PHF11: variants seen among roughly 807,000 people sequenced by gnomAD.
PHF11 encodes the protein PHD finger protein 11.
A neutral mutation model predicts 40.5 loss-of-function variants in PHF11; 38 were observed. That is an observed-to-expected ratio of 0.94 (90% CI 0.72 to 1.23). The LOEUF (loss-of-function observed/expected upper bound fraction) is 1.23. Ranked by LOEUF, PHF11 falls within the 50% of genes most tolerant of loss-of-function variation. The pLI, the probability that PHF11 is intolerant of heterozygous loss-of-function variation, is 0.00. For synonymous variants in PHF11, 127 were observed against 138.2 expected, an observed-to-expected ratio of 0.92 and a Z score of 0.57; for missense variants, 369 against 392.4, an observed-to-expected ratio of 0.94 and a Z score of 0.50.
intron 3 of PHF11, among the ~76,000 whole-genome samples, chr13:49,516,708 C>A (rs4942835): frequency 0.65 from 98,796 of 151,368 alleles, 32,562 homozygotes; most frequent in East Asian, 0.87. Context: ...TTCAGCCTCC[C>A]AAATAGCTGG....
chr13:49,510,965 G>A (rs892711648), intron 2 of PHF11, among the ~76,000 whole-genome samples: 4 of 152,148 alleles, frequency 2.6e-5, no homozygotes, highest in Admixed American at 2.0e-4. Flanking sequence ...ACCCCAAAGG[G>A]TTTCCTCAAT....
At position 49,528,683 on chromosome 13, in the gene PHF11, G is replaced by A; in HGVS notation, c.*18G>A. The stretch of plus-strand genomic sequence containing the variant: ...CTTATTAGGGATTACCGTTTCCTAA[G>A]CCAAGAGTCATGTCAAATTGCAATC... On this transcript the variant is annotated 3_prime_UTR_variant, in exon 10 of 10. Transcript: ENST00000378319. The A allele has an allele frequency of 6.4e-7, 1 of 1,558,656 alleles. No individual in the cohort carries two copies. The highest frequency in any genetic ancestry group is 8.7e-7 in the Non-Finnish European group (1 of 1,148,554).
At chr13:49,504,977 G>T (rs1379403498) in intron 1 of PHF11, among the ~76,000 whole-genome samples, 1 of 150,148 alleles carries the variant, frequency 6.7e-6, no homozygotes, top group African/African-American at 2.4e-5. Flanking sequence ...GATTAAGGGC[G>T]GTGCAAGATG....
At chr13:49,511,738 TATC>T (rs1006671754) in intron 2 of PHF11, among the ~76,000 whole-genome samples, 1 of 152,224 alleles carries the variant, frequency 6.6e-6, no homozygotes, top group African/African-American at 2.4e-5. Context: ...AATGAGCTAT[TATC>T]AGTATATATG....
chr13:49,528,732 T>A lies in PHF11; in HGVS notation c.*67T>A. On this transcript the variant is annotated 3_prime_UTR_variant, in exon 10 of 10. Coordinates refer to ENST00000378319, the MANE Select transcript of PHF11 (RefSeq NM_001040443.3). The stretch of plus-strand genomic sequence containing the variant: ...TCAGGCTCAAAACCAGAGACCAGGC[T>A]GTGAAATCCACACATCTTTAGAACT... 1 of 1,171,510 alleles carries A rather than the reference T, an allele frequency of 8.5e-7. No homozygotes were observed. The highest frequency in any genetic ancestry group is 1.2e-6 in the Non-Finnish European group (1 of 816,996). 72.6% of individuals were successfully genotyped at this position (1,171,510 alleles called of 1,614,324 possible).
chr13:49,502,225 G>A (rs1291093991), intron 1 of PHF11, among the ~76,000 whole-genome samples: 3 of 152,062 alleles, frequency 2.0e-5, no homozygotes, highest in Non-Finnish European at 4.4e-5. Context: ...CACTTGAGCT[G>A]GGGAGGTTGA....
intron 2 of PHF11, among the ~76,000 whole-genome samples, chr13:49,508,952 TA>T (rs1959047056): frequency 6.6e-6 from 1 of 152,232 alleles, no homozygotes; most frequent in Admixed American, 6.5e-5. Context: ...CCTTTATCTC[TA>T]ATTTGCTAAA....
chr13:49,503,947 C>T (rs892580212), intron 1 of PHF11, among the ~76,000 whole-genome samples: 1 of 152,148 alleles, frequency 6.6e-6, no homozygotes, highest in Non-Finnish European at 1.5e-5. Context: ...TGGTCTTGAA[C>T]TCCTGACCTC....
intron 3 of PHF11, among the ~76,000 whole-genome samples, chr13:49,515,159 A>C (rs1959135404): frequency 6.6e-6 from 1 of 152,070 alleles, no homozygotes; most frequent in African/African-American, 2.4e-5. Context: ...GATGGGTTGG[A>C]AGTGGAGGAT....
intron 4 of PHF11, 150 bp from the exon 5 acceptor site, chr13:49,520,744 C>G: frequency 1.8e-6 from 1 of 566,858 alleles, no homozygotes; most frequent in East Asian, 2.9e-5. Flanking sequence ...GTGTGGGTCA[C>G]TAATTTTACA....
In PHF11 at chr13:49,526,379, C is replaced by G; in HGVS notation, c.770-8C>G. ...TGTTTAATATTGAAAATGTTTCTCTCCCTCCAGACTATGAAGAAATCGGGA... is the reference window on the plus strand; with the variant it reads ...TGTTTAATATTGAAAATGTTTCTCTGCCTCCAGACTATGAAGAAATCGGGA... On this transcript the variant is annotated splice_polypyrimidine_tract_variant and splice_region_variant and intron_variant, in intron 8 of 9. Transcript: ENST00000378319. 2 of 1,585,034 alleles carry G rather than the reference C, an allele frequency of 1.3e-6. No homozygotes were observed. The highest frequency in any genetic ancestry group is 1.7e-6 in the Non-Finnish European group (2 of 1,153,728).
chr13:49,520,926 T>C lies in PHF11; in HGVS notation c.491T>C (p.Ile164Thr). 1.3e-6 allele frequency: 2 copies of C among 1,584,048 alleles called. No homozygotes were observed. The highest frequency in any genetic ancestry group is 1.7e-6 in the Non-Finnish European group (2 of 1,158,268). ...TGCCAGCAACATGCTCAATTCCCGA[T>C]CATCGCTCAAAGTGGTAAGTTTCTA... The part of the protein sequence containing the change: ...LLCQQHAQFP[I>T]IAQSAKFSGV... The change falls in exon 5 of 10, where the codon ATC becomes ACC. Residue 164 changes from isoleucine (I) to threonine (T), a missense_variant. Transcript: ENST00000378319.
intron 1 of PHF11, among the ~76,000 whole-genome samples, chr13:49,503,667 T>C (rs1231574639): frequency 2.0e-5 from 3 of 152,250 alleles, no homozygotes; most frequent in Non-Finnish European, 4.4e-5. Flanking sequence ...GTAAGTTCTT[T>C]GACATATTTG....
Position 49,524,099 on chromosome 13 carries a change from G to T in PHF11, c.652G>T (p.Val218Phe). The change falls in exon 8 of 10, where the codon GTT becomes TTT. Residue 218 changes from valine (V) to phenylalanine (F), a missense_variant. Val to Phe is a conservative substitution (Grantham distance 50). Coordinates refer to ENST00000378319, the MANE Select transcript of PHF11 (RefSeq NM_001040443.3). The part of the protein sequence containing the change: ...HGRHTDATVK[V>F]PFLKKCKEAG... The stretch of plus-strand genomic sequence containing the variant: ...CTTATTCTTAGATGCAACTGTGAAA[G>T]TTCCTTTTCTTAAGAAATGCAAGGA... 6.2e-7 allele frequency: 1 copy of T among 1,606,534 alleles called. No homozygotes were observed. Among genetic ancestry groups the T allele is most frequent in the South Asian group, 1.1e-5 (1 of 90,184 alleles).
chr13:49,528,070 T>C (rs1175988801), intron 9 of PHF11, among the ~76,000 whole-genome samples: 1 of 152,202 alleles, frequency 6.6e-6, no homozygotes, highest in Non-Finnish European at 1.5e-5. Flanking sequence ...TATTTCTAAA[T>C]GAAACCAAAA....
chr13:49,522,111 A>AAG lies in PHF11; in HGVS notation c.570+4_570+5insAG. On this transcript the variant is annotated splice_donor_region_variant and intron_variant, in intron 6 of 9. Coordinates refer to ENST00000378319, the MANE Select transcript of PHF11 (RefSeq NM_001040443.3). ...CCTCTCAGGCAATCATGTACAGGTA[A>AAG]TTTGACTTAGTTTTTATAGCTTTGC... 6.7e-7 allele frequency: 1 copy of AAG among 1,492,656 alleles called. No homozygotes were observed. Among genetic ancestry groups the AAG allele is most frequent in the Non-Finnish European group, 9.3e-7 (1 of 1,073,370 alleles). 92.5% of individuals were successfully genotyped at this position (1,492,656 alleles called of 1,614,324 possible).
chr13:49,504,508 GTGA>G (rs1958953002), intron 1 of PHF11, among the ~76,000 whole-genome samples: 1 of 69,682 alleles, frequency 1.4e-5, no homozygotes, highest in African/African-American at 3.6e-5. Flanking sequence ...CGTCCGGGAG[GTGA>G]GGGGCGCCTC....
chr13:49,500,474 T>C (rs1379301061), intron 1 of PHF11, among the ~76,000 whole-genome samples: 2 of 152,196 alleles, frequency 1.3e-5, no homozygotes, highest in Non-Finnish European at 2.9e-5. Context: ...GAGATGCCTG[T>C]CTGTGTAAAA....
At chr13:49,513,285 AAGTAGGAACTGT>A in intron 3 of PHF11, 119 bp downstream of exon 3, 1 of 579,578 alleles carries the variant, frequency 1.7e-6, no homozygotes, top group Non-Finnish European at 3.0e-6. Context: ...GAGCTGGAAG[AAGTAGGAACTGT>A]ATTGGAAACC....
Sources: gnomAD v4.1 joint callset for allele counts (sites outside exome capture counted in the v4.1 genomes callset) on GRCh38, gnomAD v4.1.1 for gene constraint, MANE v1.5 for transcripts, NCBI Gene and HGNC (gene_info 2026-07-23, HGNC 2026-07-21) for gene names.